SGCZ: variants seen among roughly 807,000 people sequenced by gnomAD.
SGCZ encodes the protein zeta-sarcoglycan.
In SGCZ, 40 loss-of-function variants were observed where a neutral mutation model predicts 41.3. The ratio of observed to expected loss-of-function variants is 0.97; its 90% confidence interval spans 0.75 to 1.26. The LOEUF (loss-of-function observed/expected upper bound fraction) is 1.26, where lower values mean the gene tolerates loss of function less well. Ranked by LOEUF, SGCZ falls within the 50% of genes most tolerant of loss-of-function variation. SGCZ has a pLI of 0.00. For missense variants in SGCZ, 552 were observed against 369.8 expected (o/e 1.49, Z -4.04); for synonymous variants, 206 against 137.5 (o/e 1.50, Z -3.49).
chr8:14,793,762 G>T (rs1044846911), intron 1 of SGCZ, among the ~76,000 whole-genome samples: 1 of 152,116 alleles, frequency 6.6e-6, no homozygotes, highest in Non-Finnish European at 1.5e-5. Context: ...CACCTACCCT[G>T]CCCAGGCCAC....
intron 4 of SGCZ, among the ~76,000 whole-genome samples, chr8:14,180,408 A>T (rs1021893503): frequency 1.3e-5 from 2 of 152,164 alleles, no homozygotes; most frequent in Admixed American, 6.5e-5. Context: ...CTACCAGGCC[A>T]ACCACCATAT....
intron 2 of SGCZ, among the ~76,000 whole-genome samples, chr8:14,465,928 G>C (rs901953164): frequency 6.6e-6 from 1 of 151,268 alleles, no homozygotes; most frequent in Non-Finnish European, 1.5e-5. Context: ...AATAACACCA[G>C]CTTTAGACTA....
chr8:14,785,120 C>A (rs1318741261), intron 1 of SGCZ, among the ~76,000 whole-genome samples: 7 of 150,434 alleles, frequency 4.7e-5, no homozygotes, highest in Non-Finnish European at 1.5e-5. Flanking sequence ...AGTGATTTTT[C>A]CATATCATTT....
At chr8:14,312,222 T>C (rs1801570042) in intron 3 of SGCZ, among the ~76,000 whole-genome samples, 1 of 152,218 alleles carries the variant, frequency 6.6e-6, no homozygotes, top group Admixed American at 6.6e-5. Flanking sequence ...GTGTAAAATG[T>C]GTTTCTTACT....
chr8:14,344,510 C>G (rs1170848711), intron 2 of SGCZ, among the ~76,000 whole-genome samples: 1 of 151,986 alleles, frequency 6.6e-6, no homozygotes, highest in East Asian at 1.9e-4. Flanking sequence ...TAAACAACAT[C>G]TTAAAAACCT....
intron 1 of SGCZ, among the ~76,000 whole-genome samples, chr8:14,857,413 T>G (rs537938871): frequency 2.0e-5 from 3 of 152,338 alleles, no homozygotes; most frequent in African/African-American, 7.2e-5. Flanking sequence ...TTTTAGTTAA[T>G]TTGCATTTTC....
chr8:14,984,743 C>A (rs909208659), intron 1 of SGCZ, among the ~76,000 whole-genome samples: 8 of 152,062 alleles, frequency 5.3e-5, no homozygotes, highest in African/African-American at 1.9e-4. Context: ...AATGTTCTTC[C>A]AAGACACTTT....
chr8:14,377,615 G>C (rs566256226), intron 2 of SGCZ, among the ~76,000 whole-genome samples: 7 of 151,706 alleles, frequency 4.6e-5, no homozygotes, highest in East Asian at 1.9e-4. Flanking sequence ...TGCCATGCTG[G>C]TGTGCTGCAC....
intron 1 of SGCZ, among the ~76,000 whole-genome samples, chr8:14,935,529 G>C (rs1800057025): frequency 6.6e-6 from 1 of 151,814 alleles, no homozygotes; most frequent in Non-Finnish European, 1.5e-5. Flanking sequence ...CATTAAAATT[G>C]AATCAGAGAT....
chr8:14,086,345 G>T lies in SGCZ; in HGVS notation c.*4098C>A, dbSNP rs1386771429. ...TGCATTAGACGCTCTCCAGGCTATT[G>T]CTGCCTCATACAGAGATACCATGTT... On this transcript the variant is annotated 3_prime_UTR_variant, in exon 8 of 8. Transcript: ENST00000382080. Among the ~76,000 whole-genome samples the T allele has an allele frequency of 6.6e-6, 1 of 151,632 alleles. No individual in the cohort carries two copies. Among genetic ancestry groups the T allele is most frequent in the Non-Finnish European group, 1.5e-5 (1 of 67,726 alleles).
chr8:15,199,898 C>A (rs999777757), intron 1 of SGCZ, among the ~76,000 whole-genome samples: 1 of 152,100 alleles, frequency 6.6e-6, no homozygotes, highest in Non-Finnish European at 1.5e-5. Flanking sequence ...CTTCTCTAAC[C>A]AACCACTCAC....
chr8:14,455,471 C>T (rs1440104593), intron 2 of SGCZ, among the ~76,000 whole-genome samples: 1 of 141,210 alleles, frequency 7.1e-6, no homozygotes, highest in Non-Finnish European at 1.5e-5. Flanking sequence ...CACACACACA[C>T]ACACACACAC....
intron 1 of SGCZ, among the ~76,000 whole-genome samples, chr8:15,073,498 G>A (rs1051227855): frequency 2.0e-5 from 3 of 152,146 alleles, no homozygotes; most frequent in Non-Finnish European, 4.4e-5. Context: ...AGGCTACGGT[G>A]CCCAGATGCT....
chr8:14,532,823 T>C (rs1378056810), intron 2 of SGCZ, among the ~76,000 whole-genome samples: 3 of 151,626 alleles, frequency 2.0e-5, no homozygotes, highest in African/African-American at 7.3e-5. Context: ...CCCGACTCAC[T>C]ACTAATAATT....
At chr8:14,166,400 C>T (rs956494326) in intron 4 of SGCZ, among the ~76,000 whole-genome samples, 10 of 151,988 alleles carry the variant, frequency 6.6e-5, no homozygotes, top group South Asian at 2.1e-4. Flanking sequence ...GTGCCATAGA[C>T]GACAATGAGC....
At chr8:14,725,979 T>C (rs540505351) in intron 1 of SGCZ, among the ~76,000 whole-genome samples, 2 of 151,952 alleles carry the variant, frequency 1.3e-5, no homozygotes, top group Admixed American at 6.6e-5. Context: ...TTAGGTAAAA[T>C]TTTATGGCCA....
At chr8:14,517,641 C>T (rs1310589108) in intron 2 of SGCZ, among the ~76,000 whole-genome samples, 1 of 151,830 alleles carries the variant, frequency 6.6e-6, no homozygotes, top group Non-Finnish European at 1.5e-5. Flanking sequence ...ATTAACTGCT[C>T]GTTGAAAATC....
chr8:14,758,149 T>G (rs1265044951), intron 1 of SGCZ, among the ~76,000 whole-genome samples: 2 of 152,222 alleles, frequency 1.3e-5, no homozygotes, highest in African/African-American at 2.4e-5. Flanking sequence ...TCTCTCCTTA[T>G]GCACATATTC....
intron 1 of SGCZ, among the ~76,000 whole-genome samples, chr8:15,234,481 T>G (rs1802059067): frequency 6.6e-6 from 1 of 152,216 alleles, no homozygotes; most frequent in Admixed American, 6.5e-5. Context: ...GGATGAGAAC[T>G]CTCTCCCTTT....
Sources: gnomAD v4.1 joint callset for allele counts (sites outside exome capture counted in the v4.1 genomes callset) on GRCh38, gnomAD v4.1.1 for gene constraint, MANE v1.5 for transcripts, NCBI Gene and HGNC (gene_info 2026-07-23, HGNC 2026-07-21) for gene names.